The following TANK variants were observed in gnomAD, a reference collection of about 807,000 sequenced individuals.
TANK encodes TRAF family member associated NFKB activator, also known as TRAF family member-associated NF-kappa-B activator.
A neutral mutation model predicts 43.6 loss-of-function variants in TANK; 15 were observed. That is an observed-to-expected ratio of 0.34 (90% CI 0.23 to 0.53). TANK has a LOEUF of 0.53. Ranked by LOEUF, TANK falls within the 20% of genes least tolerant of loss-of-function variation. The pLI, the probability that TANK is intolerant of heterozygous loss-of-function variation, is 0.94. For missense variants in TANK, 417 were observed against 498.6 expected (o/e 0.84, Z 1.56); for synonymous variants, 162 against 178.2 (o/e 0.91, Z 0.73).
chr2:161,211,477 A>C (rs1302632251), intron 4 of TANK, among the ~76,000 whole-genome samples: 1 of 152,206 alleles, frequency 6.6e-6, no homozygotes, highest in Non-Finnish European at 1.5e-5. Context: ...AAAAGCTTTA[A>C]AATGGTTTAT....
intron 1 of TANK, among the ~76,000 whole-genome samples, chr2:161,168,025 T>C (rs1684769484): frequency 6.6e-6 from 1 of 152,178 alleles, no homozygotes; most frequent in African/African-American, 2.4e-5. Flanking sequence ...TGATTAGTGA[T>C]TATACATTGT....
At chr2:161,183,326 G>T (rs1382295038) in intron 2 of TANK, among the ~76,000 whole-genome samples, 2 of 152,104 alleles carry the variant, frequency 1.3e-5, no homozygotes, top group African/African-American at 4.8e-5. Flanking sequence ...GGCTTTCTAA[G>T]ATTATTGAAA....
At position 161,204,749 on chromosome 2, in the gene TANK, C is replaced by G. The variant is rs769950952; in HGVS notation, c.283C>G (p.Gln95Glu). 4.4e-6 allele frequency: 7 copies of G among 1,606,162 alleles called. No individual in the cohort carries two copies. Among genetic ancestry groups the G allele is most frequent in the Non-Finnish European group, 5.9e-6 (7 of 1,177,428 alleles). Residue 95 changes from glutamine to glutamate, a missense_variant, in exon 4 of 8, where the codon CAA becomes GAA. Transcript: ENST00000392749. ...GAATAATTTGACTCTTGATCAGCCACAAGATAAAGTGATTTCAGGAATAGC... is the reference window on the plus strand; with the variant it reads ...GAATAATTTGACTCTTGATCAGCCAGAAGATAAAGTGATTTCAGGAATAGC... ...RKNNLTLDQP[Q>E]DKVISGIARE...
intron 1 of TANK, among the ~76,000 whole-genome samples, chr2:161,172,355 C>CTTTTCTTTTTTT (rs1553485179): frequency 1.1e-5 from 1 of 89,270 alleles, no homozygotes; most frequent in African/African-American, 4.9e-5. Context: ...TTTTTTTCGG[C>CTTTTCTTTTTTT]TTTTTTTTTT....
At chr2:161,191,692 C>T (rs1256596024) in intron 2 of TANK, among the ~76,000 whole-genome samples, 1 of 152,198 alleles carries the variant, frequency 6.6e-6, no homozygotes, top group African/African-American at 2.4e-5. Flanking sequence ...TCTATAACTT[C>T]TCTGCCAAAA....
intron 2 of TANK, chr2:161,200,388 T>C: frequency 1.0e-6 from 1 of 984,614 alleles, no homozygotes; most frequent in Non-Finnish European, 1.2e-6. Flanking sequence ...AGATATGTTC[T>C]GTGAACAAAA....
chr2:161,164,492 G>A (rs1311871430), intron 1 of TANK, among the ~76,000 whole-genome samples: 3 of 152,022 alleles, frequency 2.0e-5, no homozygotes, highest in Non-Finnish European at 4.4e-5. Flanking sequence ...TTTATAGTTC[G>A]GAACCAAGAT....
intron 4 of TANK, chr2:161,207,965 C>G: frequency 1.1e-6 from 1 of 896,788 alleles, no homozygotes; most frequent in Non-Finnish European, 1.3e-6. Context: ...CATTCCCAAT[C>G]AATTGGCCTA....
chr2:161,235,294 A>C, intron 7 of TANK, 48 bp from the exon 8 acceptor site: 1 of 1,507,630 alleles, frequency 6.6e-7, no homozygotes, highest in East Asian at 2.4e-5. Context: ...GTCCAGTGCT[A>C]TTTGAATTTA....
In TANK at chr2:161,179,698, G is replaced by A. The variant is rs181443938; in HGVS notation, c.36G>A (p.Ala12=). ...ACATTGGCGAGCAACTCAATAAAGCGTATGAAGCCTTCCGGCAGGCATGCA... is the reference window on the plus strand; with the variant it reads ...ACATTGGCGAGCAACTCAATAAAGCATATGAAGCCTTCCGGCAGGCATGCA... The part of the protein sequence containing the change: ...DKNIGEQLNK[A]YEAFRQACMD... The change falls in exon 2 of 8, where the codon GCG becomes GCA. Residue 12 remains alanine (A), a synonymous_variant. Transcript: ENST00000392749. The A allele has an allele frequency of 6.4e-5, 103 of 1,613,122 alleles. No individual in the cohort carries two copies. The highest frequency in any genetic ancestry group is 1.3e-4 in the East Asian group (6 of 44,800).
chr2:161,231,620 T>C (rs989402129), intron 7 of TANK, 69 bp downstream of exon 7: 23 of 1,378,756 alleles, frequency 1.7e-5, no homozygotes, highest in Middle Eastern at 1.8e-4. Context: ...TGCACAGATA[T>C]GCATCTCTTT....
At chr2:161,210,043 C>G (rs1282230187) in intron 4 of TANK, among the ~76,000 whole-genome samples, 1 of 152,020 alleles carries the variant, frequency 6.6e-6, no homozygotes, top group Non-Finnish European at 1.5e-5. Flanking sequence ...AAGTAAATGA[C>G]GAGTGCAGTT....
At chr2:161,153,453 A>C (rs528844205) in intron 1 of TANK, among the ~76,000 whole-genome samples, 2 of 152,078 alleles carry the variant, frequency 1.3e-5, no homozygotes, top group Non-Finnish European at 2.9e-5. Context: ...TTTGGGAAGC[A>C]GAGGCAGATG....
At chr2:161,161,557 C>A (rs568472380) in intron 1 of TANK, 2 of 1,367,466 alleles carry the variant, frequency 1.5e-6, no homozygotes, top group African/African-American at 1.5e-5. Flanking sequence ...CCAAGCCTTC[C>A]ACATCTTTCC....
At chr2:161,204,578 C>A (rs1574033148) in intron 3 of TANK, 97 bp from the exon 4 acceptor site, 4 of 1,098,542 alleles carry the variant, frequency 3.6e-6, no homozygotes, top group South Asian at 2.9e-5. Flanking sequence ...AAAATGTATT[C>A]TCTTTATGGT....
chr2:161,172,233 C>T (rs1684971209), intron 1 of TANK, among the ~76,000 whole-genome samples: 1 of 152,078 alleles, frequency 6.6e-6, no homozygotes, highest in Non-Finnish European at 1.5e-5. Flanking sequence ...ATAAGTGGGC[C>T]TGTCCTCTTT....
At chr2:161,192,750 G>A (rs949582526) in intron 2 of TANK, among the ~76,000 whole-genome samples, 2 of 152,128 alleles carry the variant, frequency 1.3e-5, no homozygotes, top group Non-Finnish European at 2.9e-5. Context: ...ATGAATGAGC[G>A]TATTCTACAG....
intron 4 of TANK, chr2:161,212,063 C>CTT (rs11375138): frequency 0.039 from 24,792 of 642,612 alleles, 254 homozygotes; most frequent in East Asian, 0.16. Flanking sequence ...AATACATAAA[C>CTT]TTTTTTTTTT....
At chr2:161,200,568 C>A in intron 2 of TANK, 2 of 979,692 alleles carry the variant, frequency 2.0e-6, no homozygotes, top group Non-Finnish European at 2.4e-6. Context: ...TGCATTTTCT[C>A]AAATTACTAC....
Sources: gnomAD v4.1 joint callset for allele counts (sites outside exome capture counted in the v4.1 genomes callset) on GRCh38, gnomAD v4.1.1 for gene constraint, MANE v1.5 for transcripts, NCBI Gene and HGNC (gene_info 2026-07-23, HGNC 2026-07-21) for gene names.